Variants in MATN2 observed in about 807,000 individuals in gnomAD.
MATN2 encodes the protein matrilin 2.
Under a neutral mutation model 103.2 loss-of-function variants are expected in MATN2, and 69 were observed. The ratio of observed to expected loss-of-function variants is 0.67; its 90% CI spans 0.55 to 0.82. The LOEUF (loss-of-function observed/expected upper bound fraction) is 0.82, where lower values mean the gene tolerates loss of function less well. Ranked by LOEUF, MATN2 falls within the 40% of genes least tolerant of loss-of-function variation. MATN2 has a pLI of 0.00. For synonymous variants in MATN2, 429 were observed against 450.2 expected, an observed-to-expected ratio of 0.95 and a Z score of 0.60; for missense variants, 1,023 against 1,211.5, an observed-to-expected ratio of 0.84 and a Z score of 2.31.
Position 97,962,929 on chromosome 8 carries a change from G to A in MATN2, c.958+1399G>A, listed in dbSNP as rs1057127889. On this transcript the variant is annotated intron_variant, in intron 5 of 18. Coordinates refer to ENST00000254898, the MANE Select transcript of MATN2 (RefSeq NM_002380.5). ...GCGGGCAGATCACTTGAGGTCAGGA[G>A]TTTGAGACCAACCTGGCCAATATGG... is the stretch of plus-strand genomic sequence containing the variant. Among the ~76,000 whole-genome samples, 3 of 152,302 alleles carry A rather than the reference G, an allele frequency of 2.0e-5. No individual in the cohort carries two copies. In the South Asian group the frequency reaches 6.2e-4, roughly 32 times the overall value.
At chr8:98,021,835 C>CT (rs1563731406) in intron 13 of MATN2, among the ~76,000 whole-genome samples, 1 of 151,892 alleles carries the variant, frequency 6.6e-6, no homozygotes, top group Non-Finnish European at 1.5e-5. Context: ...GCTGTGATAC[C>CT]TTTTTTTAAC....
chr8:97,882,522 G>A (rs572653885), intron 1 of MATN2, among the ~76,000 whole-genome samples: 14 of 151,588 alleles, frequency 9.2e-5, no homozygotes, highest in Admixed American at 5.9e-4. Context: ...CCCCTCCCTC[G>A]AGTAGCTGTT....
Position 97,941,917 on chromosome 8 carries a change from A to T in MATN2, c.835+18A>T. Reference sequence around the variant, plus strand: ...TTGCAGAAGTAAGATTGCTTTGCTGATGTATTTGTGGTTTCTTCCTATTCC... The same window carrying T: ...TTGCAGAAGTAAGATTGCTTTGCTGTTGTATTTGTGGTTTCTTCCTATTCC... On this transcript the variant is annotated intron_variant, in intron 4 of 18. Transcript: ENST00000254898. 1.2e-6 allele frequency: 2 copies of T among 1,611,158 alleles called. No individual in the cohort carries two copies. Among genetic ancestry groups the T allele is most frequent in the Non-Finnish European group, 1.7e-6 (2 of 1,178,100 alleles).
At chr8:97,936,964 T>G (rs1389982898) in intron 3 of MATN2, among the ~76,000 whole-genome samples, 1 of 151,594 alleles carries the variant, frequency 6.6e-6, no homozygotes, top group African/African-American at 2.4e-5. Flanking sequence ...GAGGGGGGAG[T>G]GCATTATATT....
At chr8:98,013,194 G>A (rs1362812084) in intron 10 of MATN2, among the ~76,000 whole-genome samples, 1 of 152,208 alleles carries the variant, frequency 6.6e-6, no homozygotes, top group African/African-American at 2.4e-5. Context: ...ATGGTCAGGA[G>A]GTTAACTATC....
intron 4 of MATN2, among the ~76,000 whole-genome samples, chr8:97,948,527 C>T (rs145034869): frequency 7.9e-5 from 12 of 152,042 alleles, no homozygotes; most frequent in African/African-American, 2.7e-4. Flanking sequence ...AGAACAGAAT[C>T]GAGAAATAAC....
chr8:97,973,928 G>T (rs1563700825), intron 5 of MATN2, among the ~76,000 whole-genome samples: 1 of 152,110 alleles, frequency 6.6e-6, no homozygotes, highest in Non-Finnish European at 1.5e-5. Context: ...TTGGAACAAG[G>T]ATTTCAAGAC....
At chr8:97,990,202 A>AAAAG (rs58107348) in intron 6 of MATN2, among the ~76,000 whole-genome samples, 1 of 151,064 alleles carries the variant, frequency 6.6e-6, no homozygotes, top group Non-Finnish European at 1.5e-5. Flanking sequence ...AAAAAAAAAA[A>AAAAG]GACAAGCCAC....
chr8:98,009,578 G>A (rs1813089424), intron 10 of MATN2, among the ~76,000 whole-genome samples: 1 of 152,212 alleles, frequency 6.6e-6, no homozygotes, highest in Admixed American at 6.5e-5. Context: ...GATGGGCACT[G>A]CTGTGCCCCT....
intron 2 of MATN2, among the ~76,000 whole-genome samples, chr8:97,899,368 T>C (rs577379925): frequency 6.6e-6 from 1 of 152,268 alleles, no homozygotes; most frequent in East Asian, 1.9e-4. Flanking sequence ...TATATATATG[T>C]TCTAGAAATT....
At chr8:97,975,378 C>A (rs1401721701) in intron 5 of MATN2, among the ~76,000 whole-genome samples, 5 of 152,190 alleles carry the variant, frequency 3.3e-5, no homozygotes, top group Non-Finnish European at 7.3e-5. Context: ...AGATTCAAAG[C>A]CTAAGCCAAG....
chr8:97,944,355 C>T (rs753101300), intron 4 of MATN2, among the ~76,000 whole-genome samples: 25 of 152,216 alleles, frequency 1.6e-4, no homozygotes, highest in Non-Finnish European at 3.1e-4. Flanking sequence ...TCTCCAGTCA[C>T]CCTGAAGCAG....
At chr8:98,022,415 C>A (rs1368911632) in intron 13 of MATN2, among the ~76,000 whole-genome samples, 1 of 151,680 alleles carries the variant, frequency 6.6e-6, no homozygotes, top group Non-Finnish European at 1.5e-5. Context: ...AAGTTTTGTT[C>A]CAAATGCATG....
At chr8:97,954,300 G>C (rs1324078199) in intron 4 of MATN2, among the ~76,000 whole-genome samples, 1 of 152,138 alleles carries the variant, frequency 6.6e-6, no homozygotes, top group Admixed American at 6.5e-5. Flanking sequence ...CATCTTTTCA[G>C]TTCACACTGT....
At chr8:97,945,717 A>AATAT (rs1554605716) in intron 4 of MATN2, among the ~76,000 whole-genome samples, 1,694 of 121,762 alleles carry the variant, frequency 0.014, 38 homozygotes, top group African/African-American at 0.037. Flanking sequence ...AAAAAAAAAA[A>AATAT]ATATATATAT....
intron 10 of MATN2, among the ~76,000 whole-genome samples, chr8:98,008,404 CA>C (rs576026935): frequency 8.5e-5 from 13 of 152,310 alleles, no homozygotes; most frequent in African/African-American, 3.1e-4. Flanking sequence ...TTATCTTCCC[CA>C]GCCTGCTGGT....
chr8:97,895,048 T>A (rs529717022), intron 2 of MATN2, among the ~76,000 whole-genome samples: 1 of 152,162 alleles, frequency 6.6e-6, no homozygotes, highest in Non-Finnish European at 1.5e-5. Context: ...AATTTTTGTA[T>A]TTTTAGTAGA....
chr8:97,964,660 C>T (rs1024998160), intron 5 of MATN2, among the ~76,000 whole-genome samples: 1 of 152,094 alleles, frequency 6.6e-6, no homozygotes, highest in African/African-American at 2.4e-5. Flanking sequence ...GTCTCAATCT[C>T]CTGGGCTCAA....
chr8:97,901,341 C>T (rs1293064749), intron 2 of MATN2, among the ~76,000 whole-genome samples: 1 of 152,034 alleles, frequency 6.6e-6, no homozygotes. Flanking sequence ...TAACCTCCGC[C>T]TTTTGGGTTC....
Sources: gnomAD v4.1 joint callset for allele counts (sites outside exome capture counted in the v4.1 genomes callset) on GRCh38, gnomAD v4.1.1 for gene constraint, MANE v1.5 for transcripts, NCBI Gene and HGNC (gene_info 2026-07-23, HGNC 2026-07-21) for gene names.